The following OPHN1 variants were observed in gnomAD, a reference collection of about 807,000 sequenced individuals.
OPHN1 encodes oligophrenin 1.
A neutral mutation model predicts 60.7 loss-of-function variants in OPHN1; 11 were observed. The observed-to-expected ratio is 0.18, with a 90% CI of 0.11 to 0.30. The LOEUF (loss-of-function observed/expected upper bound fraction) is 0.30. Ranked by LOEUF, OPHN1 falls within the 10% of genes least tolerant of loss-of-function variation. OPHN1 has a pLI of 1.00. For missense variants in OPHN1, 449 were observed against 611.0 expected (o/e 0.73, Z 2.80); for synonymous variants, 226 against 222.6 (o/e 1.02, Z -0.14).
intron 2 of OPHN1, among the ~76,000 whole-genome samples, chrX:68,304,761 C>T (rs12395592): frequency 0.057 from 6,310 of 111,203 alleles, 440 homozygotes; most frequent in African/African-American, 0.2. Context: ...AACCCACAGT[C>T]ATACAGCTAC....
intron 6 of OPHN1, among the ~76,000 whole-genome samples, chrX:68,227,657 C>G (rs1454022980): frequency 9.0e-6 from 1 of 111,454 alleles, no homozygotes; most frequent in Non-Finnish European, 1.9e-5. Flanking sequence ...TGAATGACTA[C>G]TGGGTATATA....
chrX:68,315,743 AAC>A (rs1355825162), intron 2 of OPHN1, among the ~76,000 whole-genome samples: 1 of 111,610 alleles, frequency 9.0e-6, no homozygotes, highest in African/African-American at 3.3e-5. Flanking sequence ...ACACAAAAAA[AAC>A]AGTTGCATTT....
chrX:68,248,308 A>T (rs1186925458), intron 5 of OPHN1, among the ~76,000 whole-genome samples: 2 of 111,537 alleles, frequency 1.8e-5, no homozygotes, highest in East Asian at 5.6e-4. Context: ...CTCAAAAAAA[A>T]AAAGACATAC....
At chrX:68,059,939 T>G (rs2076887082) in intron 21 of OPHN1, among the ~76,000 whole-genome samples, 1 of 112,152 alleles carries the variant, frequency 8.9e-6, no homozygotes, top group African/African-American at 3.2e-5. Flanking sequence ...TGGCTGGGAC[T>G]GACTGCTTGC....
chrX:68,403,360 A>G (rs1412881933), intron 2 of OPHN1, among the ~76,000 whole-genome samples: 1 of 111,885 alleles, frequency 8.9e-6, no homozygotes, highest in Non-Finnish European at 1.9e-5. Context: ...AAGGCAGCAA[A>G]TAAGTTTAAA....
intron 2 of OPHN1, among the ~76,000 whole-genome samples, chrX:68,388,921 G>T (rs957020691): frequency 1.8e-5 from 2 of 109,528 alleles, no homozygotes; most frequent in African/African-American, 6.6e-5. Context: ...ATCGTACTGA[G>T]AAATTATGGT....
intron 5 of OPHN1, among the ~76,000 whole-genome samples, chrX:68,267,206 C>G (rs2077935045): frequency 1.8e-5 from 2 of 111,442 alleles, no homozygotes; most frequent in South Asian, 7.6e-4. Flanking sequence ...ACTCCCCACC[C>G]CAAATCAACA....
At chrX:68,110,692 T>C (rs1015962868) in intron 18 of OPHN1, among the ~76,000 whole-genome samples, 2 of 112,276 alleles carry the variant, frequency 1.8e-5, no homozygotes, top group African/African-American at 3.2e-5. Flanking sequence ...CACAAACTAC[T>C]TTTTGGAGAC....
At chrX:68,138,785 G>A (rs1230676981) in intron 15 of OPHN1, among the ~76,000 whole-genome samples, 1 of 112,121 alleles carries the variant, frequency 8.9e-6, no homozygotes, top group African/African-American at 3.2e-5. Context: ...GAAATGCAGT[G>A]AGTTTGATAG....
intron 2 of OPHN1, among the ~76,000 whole-genome samples, chrX:68,411,403 C>A (rs2078768681): frequency 8.9e-6 from 1 of 112,072 alleles, no homozygotes; most frequent in Non-Finnish European, 1.9e-5. Context: ...ATAAGTGATC[C>A]CTTTTCTCCA....
intron 15 of OPHN1, among the ~76,000 whole-genome samples, chrX:68,135,221 G>A (rs925140758): frequency 4.5e-5 from 5 of 111,628 alleles, no homozygotes; most frequent in African/African-American, 1.3e-4. Context: ...AAATCTAACC[G>A]AAAACTGCAA....
chrX:68,383,579 A>G (rs2078608475), intron 2 of OPHN1, among the ~76,000 whole-genome samples: 1 of 91,485 alleles, frequency 1.1e-5, no homozygotes, highest in South Asian at 6.3e-4. Flanking sequence ...AGCTTGGGTG[A>G]CAGCGAGTCT....
chrX:68,139,827 C>T (rs908735785), intron 15 of OPHN1, among the ~76,000 whole-genome samples: 11 of 112,057 alleles, frequency 9.8e-5, no homozygotes, highest in Non-Finnish European at 1.9e-4. Context: ...ATTCCAGCAG[C>T]GAATGCTAAG....
At chrX:68,194,639 G>T in intron 12 of OPHN1, 141 bp from the exon 13 acceptor site, 1 of 547,182 alleles carries the variant, frequency 1.8e-6, no homozygotes. Flanking sequence ...ATAGCCAAGT[G>T]GGCTAAACAT....
intron 3 of OPHN1, among the ~76,000 whole-genome samples, chrX:68,284,587 A>G (rs1602296719): frequency 1.8e-5 from 2 of 111,735 alleles, no homozygotes; most frequent in Admixed American, 1.9e-4. Context: ...TTTAAAGTGT[A>G]CAATTCGGGC....
chrX:68,268,585 G>A (rs1050617042), intron 5 of OPHN1, among the ~76,000 whole-genome samples: 16 of 111,455 alleles, frequency 1.4e-4, no homozygotes, highest in East Asian at 5.6e-4. Context: ...TTGATGGGAC[G>A]TATCTCAAAA....
Position 68,111,919 on chromosome X carries a change from G to C in OPHN1, c.1461C>G (p.Ser487=). 1 of 1,205,291 alleles carries C rather than the reference G, an allele frequency of 8.3e-7. No homozygotes were observed. Among genetic ancestry groups the C allele is most frequent in the Non-Finnish European group, 1.1e-6 (1 of 889,927 alleles). The change falls in exon 18 of 25, where the codon TCC becomes TCG. Residue 487 remains serine, a synonymous_variant. Transcript: ENST00000355520. ...TCTTTTCTGGTAGCTTATATACCAG[G>C]GAGTGAATAGCTCCTAGGCGGTAAT... is the stretch of plus-strand genomic sequence containing the variant. ...NLDYRLGAIH[S]LVYKLPEKNR...
intron 10 of OPHN1, among the ~76,000 whole-genome samples, chrX:68,204,718 C>T (rs2077550514): frequency 9.0e-6 from 1 of 110,945 alleles, no homozygotes; most frequent in African/African-American, 3.3e-5. Flanking sequence ...ATCAAAAATG[C>T]TCAGGCCACC....
chrX:68,205,245 C>T (rs968895367), intron 10 of OPHN1, among the ~76,000 whole-genome samples: 1 of 110,635 alleles, frequency 9.0e-6, no homozygotes, highest in African/African-American at 3.3e-5. Flanking sequence ...GTCGGGAATT[C>T]GAGATCAGCC....
Sources: gnomAD v4.1 joint callset for allele counts (sites outside exome capture counted in the v4.1 genomes callset) on GRCh38, gnomAD v4.1.1 for gene constraint, MANE v1.5 for transcripts, NCBI Gene and HGNC (gene_info 2026-07-23, HGNC 2026-07-21) for gene names.